The following SPTB variants were observed in gnomAD, a reference collection of about 807,000 sequenced individuals.
SPTB encodes spectrin beta, erythrocytic.
Under a neutral mutation model 256.2 loss-of-function variants are expected in SPTB, and 45 were observed. That is an observed-to-expected ratio of 0.18 (90% confidence interval 0.14 to 0.23). The LOEUF (loss-of-function observed/expected upper bound fraction) is 0.23, where lower values mean the gene tolerates loss of function less well. SPTB is among the 10% of genes least tolerant of loss of function. The pLI is 1.00. For synonymous variants in SPTB, 1,231 were observed against 1,243.1 expected (o/e 0.99, Z 0.21); for missense variants, 2,715 against 3,040.4 (o/e 0.89, Z 2.52).
chr14:64,754,057 T>C (rs2295522), intron 32 of SPTB: 56,346 of 576,076 alleles, frequency 0.098, 3,017 homozygotes, highest in East Asian at 0.15. Flanking sequence ...CTCTCCAATG[T>C]AACATAGCAA....
intron 1 of SPTB, among the ~76,000 whole-genome samples, chr14:64,837,252 T>C (rs2083539007): frequency 6.6e-6 from 1 of 152,214 alleles, no homozygotes; most frequent in African/African-American, 2.4e-5. Context: ...TGATAAATTT[T>C]CCAACCCTAT....
chr14:64,786,269 AT>A lies in SPTB; in HGVS notation c.3561+134del. 1 of 1,297,928 alleles carries A rather than the reference AT, an allele frequency of 7.7e-7. No homozygotes were observed. The highest frequency in any genetic ancestry group is 2.3e-5 in the East Asian group (1 of 43,388). The allele number at this position is 1,297,928 out of a possible 1,614,324, so 80.4% of individuals were successfully genotyped here. ...AAAAGGCCCCTAATGAGAAACAAAG[AT>A]TTCCCCCATGAGTGAATACAGAGTA... On this transcript the variant is annotated intron_variant, in intron 16 of 35. Coordinates refer to ENST00000644917, the MANE Select transcript of SPTB (RefSeq NM_001355436.2). The surrounding 1 kb of genome is among the most constrained non-coding windows in gnomAD (Gnocchi z 5.6).
At chr14:64,761,352 G>A (rs974714929) in intron 32 of SPTB, among the ~76,000 whole-genome samples, 3 of 152,208 alleles carry the variant, frequency 2.0e-5, no homozygotes, top group African/African-American at 7.2e-5. Context: ...AGAGACAGAC[G>A]CCTTAAAGGA....
chr14:64,865,421 C>T (rs985186159), intron 1 of SPTB, among the ~76,000 whole-genome samples: 34 of 151,892 alleles, frequency 2.2e-4, no homozygotes, highest in African/African-American at 7.7e-4. Context: ...AAGCTCACTC[C>T]CAGCATATTT....
rs1354531432 is a variant in SPTB, at chr14:64,760,586, G to A, written c.6345+6140C>T. On this transcript the variant is annotated intron_variant, in intron 32 of 35. Transcript: ENST00000644917. The surrounding 1 kb of genome is among the most constrained non-coding windows in gnomAD (Gnocchi z 4.3). ...CCAGAAACAGGCTGACTGCAGCAAC[G>A]GGATGCATCGTGCCACAACTGAATT... 5.3e-5 allele frequency among the ~76,000 whole-genome samples: 8 copies of A among 152,330 alleles called. No homozygotes were observed. Among genetic ancestry groups the A allele is most frequent in the South Asian group, 2.1e-4 (1 of 4,828 alleles).
intron 24 of SPTB, among the ~76,000 whole-genome samples, chr14:64,773,788 C>T (rs1477542892): frequency 6.6e-6 from 1 of 152,166 alleles, no homozygotes; most frequent in Non-Finnish European, 1.5e-5. Flanking sequence ...CTCTGCTCAG[C>T]CCTCCAGGGA....
In SPTB at chr14:64,793,612, T is replaced by C; in HGVS notation, c.2051A>G (p.Asp684Gly). The C allele has an allele frequency of 1.2e-6, 2 of 1,614,176 alleles. No individual in the cohort carries two copies. The highest frequency in any genetic ancestry group is 1.7e-6 in the Non-Finnish European group (2 of 1,180,050). Residue 684 changes from aspartate (D) to glycine (G), a missense_variant, in exon 14 of 36, where the codon GAT becomes GGT. Transcript: ENST00000644917. The surrounding 1 kb of genome is among the most constrained non-coding windows in gnomAD (Gnocchi z 7.0). The part of the protein sequence containing the change: ...ILQRKHKAFE[D>G]ELRGLDAHLE... ...GTGAGCATCCAGCCCACGGAGCTCA[T>C]CCTCAAAGGCCTTGTGCTTGCGCTG... is the stretch of plus-strand genomic sequence containing the variant.
chr14:64,761,424 A>G (rs552565519), intron 32 of SPTB, among the ~76,000 whole-genome samples: 4 of 152,128 alleles, frequency 2.6e-5, no homozygotes, highest in Non-Finnish European at 5.9e-5. Flanking sequence ...AGGCTGGGAT[A>G]CATGGTGAGG....
At chr14:64,787,620 A>G (rs897712156) in intron 15 of SPTB, among the ~76,000 whole-genome samples, 33 of 152,250 alleles carry the variant, frequency 2.2e-4, no homozygotes, top group African/African-American at 8.0e-4. Flanking sequence ...TAGGGCCTGA[A>G]AGAGATCACC....
At chr14:64,839,319 G>A (rs1400566996) in intron 1 of SPTB, among the ~76,000 whole-genome samples, 2 of 152,242 alleles carry the variant, frequency 1.3e-5, no homozygotes, top group Middle Eastern at 3.4e-3. Context: ...AAAAGAAGCT[G>A]GACTCAACAG....
intron 1 of SPTB, among the ~76,000 whole-genome samples, chr14:64,834,469 G>A (rs569727369): frequency 8.3e-5 from 12 of 144,466 alleles, no homozygotes; most frequent in Admixed American, 2.1e-4. Flanking sequence ...CCTGTTGTCC[G>A]GGCTGGAGTG....
intron 1 of SPTB, among the ~76,000 whole-genome samples, chr14:64,851,507 G>C (rs537794696): frequency 6.6e-6 from 1 of 152,274 alleles, no homozygotes; most frequent in East Asian, 1.9e-4. Context: ...AGCAGTAGTA[G>C]TAGTAGCAGC....
chr14:64,801,136 G>A, intron 7 of SPTB, 149 bp downstream of exon 7: 1 of 709,856 alleles, frequency 1.4e-6, no homozygotes, highest in Non-Finnish European at 2.4e-6. Context: ...CCAGATCAGA[G>A]CCTGGCCTGG....
intron 31 of SPTB, among the ~76,000 whole-genome samples, 161 bp from the exon 32 acceptor site, chr14:64,766,962 C>T (rs45457295): frequency 2.0e-5 from 3 of 152,002 alleles, no homozygotes. Context: ...AGCCGCCCAG[C>T]GACTTCTTCG....
chr14:64,768,133 CT>C (rs2139482203), intron 29 of SPTB: 1 of 511,108 alleles, frequency 2.0e-6, no homozygotes, highest in Non-Finnish European at 3.6e-6. Flanking sequence ...CCTCAGCCTC[CT>C]GGGTTCAAGT....
chr14:64,826,282 A>G lies in SPTB; in HGVS notation c.-51-3137T>C, dbSNP rs907646774. ...CGAAGATATGCCTGTCCAAAACCAG[A>G]TTTAACCCATTCTCGGCGTCACCAT... On this transcript the variant is annotated intron_variant, in intron 1 of 35. Coordinates refer to ENST00000644917, the MANE Select transcript of SPTB (RefSeq NM_001355436.2). The surrounding 1 kb of genome is among the most constrained non-coding windows in gnomAD (Gnocchi z 4.4). Among the ~76,000 whole-genome samples, 3 of 152,326 alleles carry G rather than the reference A, an allele frequency of 2.0e-5. No individual in the cohort carries two copies.
chr14:64,767,522 G>A (rs2082205086), intron 30 of SPTB, 141 bp downstream of exon 30: 1 of 1,371,220 alleles, frequency 7.3e-7, no homozygotes, highest in African/African-American at 1.4e-5. Context: ...CCTGCCACTT[G>A]TCTTTCCTTC....
rs1259134018 is a variant in SPTB, at chr14:64,866,965, C to G, written c.-52+12827G>C. On this transcript the variant is annotated intron_variant, in intron 1 of 35. Transcript: ENST00000644917. The surrounding 1 kb of genome is among the most constrained non-coding windows in gnomAD (Gnocchi z 4.6). Reference sequence around the variant, plus strand: ...CGCCCACTCAAAGAGCCTTTCATAGCTGCATTCTGAGGGTCAGCTTCAAAC... The same window carrying G: ...CGCCCACTCAAAGAGCCTTTCATAGGTGCATTCTGAGGGTCAGCTTCAAAC... 6.6e-6 allele frequency among the ~76,000 whole-genome samples: 1 copy of G among 152,168 alleles called. No individual in the cohort carries two copies. The highest frequency in any genetic ancestry group is 1.9e-4 in the East Asian group (1 of 5,194).
chr14:64,797,965 A>G (rs1222868145), intron 9 of SPTB, 119 bp from the exon 10 acceptor site: 2 of 773,728 alleles, frequency 2.6e-6, no homozygotes, highest in Admixed American at 3.5e-5. Flanking sequence ...TATTTCCCTT[A>G]AAAACACAGA....
Sources: gnomAD v4.1 joint callset for allele counts (sites outside exome capture counted in the v4.1 genomes callset) on GRCh38, gnomAD v4.1.1 for gene constraint, Gnocchi (gnomAD v3.1) non-coding constraint, MANE v1.5 for transcripts, NCBI Gene and HGNC (gene_info 2026-07-23, HGNC 2026-07-21) for gene names.